DOCK1: variants seen among roughly 807,000 people sequenced by gnomAD.
The protein encoded by DOCK1 is dedicator of cytokinesis protein 1.
A neutral mutation model predicts 262.7 loss-of-function variants in DOCK1; 138 were observed. The observed-to-expected ratio is 0.53, with a 90% CI of 0.46 to 0.61. The LOEUF is 0.61. DOCK1 is among the 20% of genes least tolerant of loss of function. DOCK1 has a pLI of 0.00. For synonymous variants in DOCK1, 866 were observed against 867.4 expected (o/e 1.00, Z 0.03); for missense variants, 1,908 against 2,370.7 (o/e 0.80, Z 4.05).
In DOCK1 at chr10:127,363,204, T is replaced by C. The variant is rs1281033019; in HGVS notation, c.3432+992T>C. Among the ~76,000 whole-genome samples, 5 of 152,136 alleles carry C rather than the reference T, an allele frequency of 3.3e-5. 1 individual carries two copies. In the South Asian group the frequency reaches 8.3e-4, roughly 25 times the overall value. Reference sequence around the variant, plus strand: ...CTAGGGAGTCCTCTGAATTGAAAGATACCTTTTAAAAATCATTATACTGGA... The same window carrying C: ...CTAGGGAGTCCTCTGAATTGAAAGACACCTTTTAAAAATCATTATACTGGA... On this transcript the variant is annotated intron_variant, in intron 33 of 51. Coordinates refer to ENST00000623213, the MANE Select transcript of DOCK1 (RefSeq NM_001290223.2).
intron 50 of DOCK1, among the ~76,000 whole-genome samples, chr10:127,447,083 C>T (rs544770395): frequency 2.6e-5 from 4 of 152,274 alleles, no homozygotes; most frequent in African/African-American, 4.8e-5. Flanking sequence ...GCAGGGGGCC[C>T]GAGCAGGGAC....
At chr10:127,019,082 G>A (rs2135410737) in intron 13 of DOCK1, 1 of 498,154 alleles carries the variant, frequency 2.0e-6, no homozygotes, top group East Asian at 3.4e-5. Context: ...GTGTGAGGGG[G>A]GCGTGGGCAC....
intron 29 of DOCK1, among the ~76,000 whole-genome samples, chr10:127,322,607 GT>G (rs1222601427): frequency 6.6e-6 from 1 of 152,216 alleles, no homozygotes; most frequent in African/African-American, 2.4e-5. Flanking sequence ...TAGATTTTAT[GT>G]TTTTAAAGGA....
intron 23 of DOCK1, among the ~76,000 whole-genome samples, chr10:127,082,180 C>T (rs540912281): frequency 3.3e-5 from 5 of 152,248 alleles, no homozygotes; most frequent in Admixed American, 1.3e-4. Context: ...CATTTCCTTA[C>T]TCAGGAAACA....
chr10:126,918,250 A>G (rs973038470), intron 1 of DOCK1, among the ~76,000 whole-genome samples: 1 of 151,624 alleles, frequency 6.6e-6, no homozygotes, highest in Non-Finnish European at 1.5e-5. Context: ...GATGCCTGGG[A>G]TTGATTGCCA....
chr10:127,278,707 CTT>C lies in DOCK1; in HGVS notation c.3044+21280_3044+21281del, dbSNP rs575952006. Among the ~76,000 whole-genome samples, 11 of 152,324 alleles carry C rather than the reference CTT, an allele frequency of 7.2e-5. No homozygotes were observed. In the East Asian group the frequency reaches 2.1e-3, roughly 29 times the overall value. ...AAGAGAGGAGGAGAGAGGAACTTAA[CTT>C]TGTTTTTCTTCAAAAAGATGTGTTG... is the stretch of plus-strand genomic sequence containing the variant. On this transcript the variant is annotated intron_variant, in intron 29 of 51. Coordinates refer to ENST00000623213, the MANE Select transcript of DOCK1 (RefSeq NM_001290223.2).
At chr10:127,109,162 G>A (rs1333290851) in intron 24 of DOCK1, among the ~76,000 whole-genome samples, 1 of 152,140 alleles carries the variant, frequency 6.6e-6, no homozygotes, top group East Asian at 1.9e-4. Flanking sequence ...TCCCCCTCCA[G>A]AAGGTAAAAC....
chr10:127,051,478 G>T (rs538964779), intron 21 of DOCK1, among the ~76,000 whole-genome samples: 1 of 152,148 alleles, frequency 6.6e-6, no homozygotes. Context: ...CAACTAAAAT[G>T]AATAAAAGTG....
chr10:126,980,209 T>G (rs2134816523), intron 3 of DOCK1, among the ~76,000 whole-genome samples: 1 of 152,216 alleles, frequency 6.6e-6, no homozygotes, highest in African/African-American at 2.4e-5. Flanking sequence ...TTTATTTTTT[T>G]GGAGACAGGG....
At chr10:127,219,201 C>A (rs1353146941) in intron 27 of DOCK1, among the ~76,000 whole-genome samples, 1 of 152,130 alleles carries the variant, frequency 6.6e-6, no homozygotes, top group Non-Finnish European at 1.5e-5. Context: ...AAAGAAGAAA[C>A]CATAAATTCA....
intron 19 of DOCK1, among the ~76,000 whole-genome samples, chr10:127,042,091 T>G (rs2044056802): frequency 6.6e-6 from 1 of 152,176 alleles, no homozygotes; most frequent in African/African-American, 2.4e-5. Flanking sequence ...ATTTCGACAT[T>G]GTTGTTGAAT....
chr10:127,187,601 G>C (rs1196716159), intron 27 of DOCK1, among the ~76,000 whole-genome samples: 3 of 152,054 alleles, frequency 2.0e-5, no homozygotes, highest in African/African-American at 4.8e-5. Flanking sequence ...GGGGGTGGCT[G>C]TCCTCCTACA....
At position 127,176,331 on chromosome 10, in the gene DOCK1, G is replaced by T; in HGVS notation, c.2847+48567G>T. The T allele has an allele frequency of 6.2e-7, 1 of 1,613,932 alleles. No homozygotes were observed. The stretch of plus-strand genomic sequence containing the variant: ...GTATTTCATCTCCAGGGCCAGGCAG[G>T]CGGCGGGTTCCACTTCACTCTCCGA... On this transcript the variant is annotated intron_variant, in intron 27 of 51. Coordinates refer to ENST00000623213, the MANE Select transcript of DOCK1 (RefSeq NM_001290223.2). The surrounding 1 kb of genome is among the most constrained non-coding windows in gnomAD (Gnocchi z 4.4).
intron 27 of DOCK1, among the ~76,000 whole-genome samples, chr10:127,239,401 T>C (rs1438259940): frequency 3.3e-5 from 5 of 152,212 alleles, no homozygotes; most frequent in African/African-American, 4.8e-5. Context: ...TTTAATACTT[T>C]ATAATACTTA....
chr10:127,315,729 GTC>G (rs2062247592), intron 29 of DOCK1, among the ~76,000 whole-genome samples: 1 of 152,160 alleles, frequency 6.6e-6, no homozygotes, highest in Non-Finnish European at 1.5e-5. Flanking sequence ...CTGGGTTGGG[GTC>G]TCTCTCTGTC....
chr10:127,295,546 T>A (rs2061477504), intron 29 of DOCK1, among the ~76,000 whole-genome samples: 1 of 151,884 alleles, frequency 6.6e-6, no homozygotes, highest in African/African-American at 2.4e-5. Context: ...AATACCTAGG[T>A]GTGGTTGTGT....
intron 10 of DOCK1, chr10:127,000,733 C>T (rs777222527): frequency 1.2e-5 from 2 of 161,480 alleles, no homozygotes; most frequent in Non-Finnish European, 1.4e-5. Context: ...GCTCTTCATC[C>T]GCCATGTTGG....
Position 127,245,686 on chromosome 10 carries a change from C to T in DOCK1, c.2848-2322C>T, listed in dbSNP as rs565672506. Among the ~76,000 whole-genome samples, 9 of 152,328 alleles carry T rather than the reference C, an allele frequency of 5.9e-5. No individual in the cohort carries two copies. In the South Asian group the frequency reaches 1.5e-3, roughly 25 times the overall value. Reference sequence around the variant, plus strand: ...TCAGTATGTCCACGTCACCTGTTCACGTCATCTGGCCTGAGTCTGGCTGCA... The same window carrying T: ...TCAGTATGTCCACGTCACCTGTTCATGTCATCTGGCCTGAGTCTGGCTGCA... On this transcript the variant is annotated intron_variant, in intron 27 of 51. Transcript: ENST00000623213.
chr10:127,351,072 C>T (rs550385320), intron 31 of DOCK1, among the ~76,000 whole-genome samples: 3 of 152,234 alleles, frequency 2.0e-5, no homozygotes, highest in East Asian at 1.9e-4. Flanking sequence ...AGCTATCACT[C>T]GGGGGTATGT....
Sources: allele counts gnomAD v4.1 joint callset (sites outside exome capture counted in the v4.1 genomes callset), GRCh38; gene constraint gnomAD v4.1.1; non-coding constraint Gnocchi (gnomAD v3.1); transcripts MANE v1.5; gene names NCBI Gene and HGNC (gene_info 2026-07-23, HGNC 2026-07-21).